Variants in COL5A2 observed in about 807,000 individuals in gnomAD.
The protein encoded by COL5A2 is collagen alpha-2(V) chain.
In COL5A2, 23 loss-of-function variants were observed where a neutral mutation model predicts 208.2. The observed-to-expected ratio is 0.11, with a 90% CI of 0.08 to 0.16. The LOEUF is 0.16. Ranked by LOEUF, COL5A2 falls within the 10% of genes least tolerant of loss-of-function variation. COL5A2 has a pLI of 1.00. For missense variants in COL5A2, 1,590 were observed against 1,956.4 expected, an observed-to-expected ratio of 0.81 and a Z score of 3.53; for synonymous variants, 625 against 628.5, an observed-to-expected ratio of 0.99 and a Z score of 0.08.
the COL5A2 span, among the ~76,000 whole-genome samples, chr2:189,425,165 G>C: frequency 4.6e-5 from 7 of 152,160 alleles, no homozygotes; most frequent in African/African-American, 1.4e-4. Flanking sequence ...TCTCACTTCT[G>C]TTAGAATGAC....
chr2:189,034,328 C>T (rs1576483004), intron 53 of COL5A2, 112 bp from the exon 54 acceptor site: 1 of 1,099,858 alleles, frequency 9.1e-7, no homozygotes, highest in East Asian at 2.5e-5. Flanking sequence ...TTTTAGAGTA[C>T]TACTTAAAAA....
chr2:189,066,240 T>G, intron 23 of COL5A2, 150 bp downstream of exon 23: 5 of 787,408 alleles, frequency 6.3e-6, no homozygotes, highest in Non-Finnish European at 1.1e-5. Flanking sequence ...ATTAGTCAGT[T>G]GGCTCTTTCT....
chr2:189,304,155 A>G, the COL5A2 span, among the ~76,000 whole-genome samples: 8 of 152,164 alleles, frequency 5.3e-5, no homozygotes, highest in African/African-American at 1.9e-4. Flanking sequence ...AAATAGTCAC[A>G]TTGTTCAACT....
At chr2:189,055,094 A>G (rs577090429) in intron 35 of COL5A2, among the ~76,000 whole-genome samples, 5 of 152,026 alleles carry the variant, frequency 3.3e-5, no homozygotes, top group Middle Eastern at 6.4e-3. Context: ...CACCATAGCC[A>G]GGGTGGTCTT....
chr2:189,109,965 C>A (rs1687228086), intron 2 of COL5A2, among the ~76,000 whole-genome samples: 2 of 152,138 alleles, frequency 1.3e-5, no homozygotes, highest in Non-Finnish European at 2.9e-5. Flanking sequence ...TTAAGTGATT[C>A]AAGAAATTCT....
chr2:189,377,934 T>C, the COL5A2 span, among the ~76,000 whole-genome samples: 5 of 152,346 alleles, frequency 3.3e-5, no homozygotes, highest in East Asian at 1.9e-4. Flanking sequence ...AGTGCACTTA[T>C]TGGGTCACAG....
intron 3 of COL5A2, among the ~76,000 whole-genome samples, chr2:189,100,807 G>T (rs1245083265): frequency 1.3e-5 from 2 of 151,920 alleles, no homozygotes; most frequent in African/African-American, 4.8e-5. Context: ...AGTAAATAGG[G>T]TCAGGTCAAT....
chr2:189,366,104 T>C, the COL5A2 span, among the ~76,000 whole-genome samples: 2 of 152,190 alleles, frequency 1.3e-5, no homozygotes, highest in East Asian at 1.9e-4. Flanking sequence ...TTCTTTTATT[T>C]TGAGATCTTG....
intron 1 of COL5A2, among the ~76,000 whole-genome samples, chr2:189,209,974 A>T (rs1254629748): frequency 3.3e-5 from 5 of 152,244 alleles, no homozygotes; most frequent in Non-Finnish European, 7.3e-5. Flanking sequence ...ATGAAGGCAG[A>T]TGGTAATGCC....
Position 189,072,029 on chromosome 2 carries a change from T to A in COL5A2, c.1158+11A>T. ...AGCGTTAAATACTGTATATTAACAT[T>A]AACATCTTACCTTCATTCCAGGATT... On this transcript the variant is annotated intron_variant, in intron 18 of 53. Transcript: ENST00000374866. 6 of 1,570,782 alleles carry A rather than the reference T, an allele frequency of 3.8e-6. No homozygotes were observed. The highest frequency in any genetic ancestry group is 5.2e-6 in the Non-Finnish European group (6 of 1,143,754).
At chr2:189,362,352 T>C in the COL5A2 span, among the ~76,000 whole-genome samples, 2 of 152,134 alleles carry the variant, frequency 1.3e-5, no homozygotes, top group East Asian at 1.9e-4. Context: ...ATGAAAAGTA[T>C]TCAACTTACA....
At chr2:189,190,839 G>T (rs1402540040) in intron 1 of COL5A2, among the ~76,000 whole-genome samples, 1 of 152,150 alleles carries the variant, frequency 6.6e-6, no homozygotes, top group African/African-American at 2.4e-5. Flanking sequence ...TCAATGTAAT[G>T]CACATTTGTT....
At chr2:189,135,514 A>T (rs1251596868) in intron 1 of COL5A2, among the ~76,000 whole-genome samples, 1 of 152,204 alleles carries the variant, frequency 6.6e-6, no homozygotes, top group Non-Finnish European at 1.5e-5. Flanking sequence ...TTGGTTACAA[A>T]CAGTGAACTG....
chr2:189,164,277 G>A (rs1688424580), intron 1 of COL5A2, among the ~76,000 whole-genome samples: 2 of 152,160 alleles, frequency 1.3e-5, no homozygotes, highest in South Asian at 2.1e-4. Flanking sequence ...TAATAATAGT[G>A]ATTCAGGCTT....
the COL5A2 span, among the ~76,000 whole-genome samples, chr2:189,332,790 C>T: frequency 1.3e-5 from 2 of 152,228 alleles, no homozygotes; most frequent in South Asian, 2.1e-4. Context: ...ACAGTAAATT[C>T]GTACCAGTAG....
chr2:189,224,147 G>T (rs2105881575), intron 1 of COL5A2, among the ~76,000 whole-genome samples: 1 of 144,784 alleles, frequency 6.9e-6, no homozygotes, highest in South Asian at 2.3e-4. Context: ...CTGTTGTGAA[G>T]AGGTAAACTG....
At chr2:189,364,926 G>A in the COL5A2 span, among the ~76,000 whole-genome samples, 61 of 152,228 alleles carry the variant, frequency 4.0e-4, no homozygotes, top group East Asian at 0.012. Flanking sequence ...CACAAAAAGT[G>A]ACAAATGTAC....
the COL5A2 span, among the ~76,000 whole-genome samples, chr2:189,372,046 T>C: frequency 6.6e-6 from 1 of 152,320 alleles, no homozygotes; most frequent in African/African-American, 2.4e-5. Context: ...CAGGGCCCCA[T>C]TGCCCTGCAC....
At chr2:189,410,796 T>C in the COL5A2 span, among the ~76,000 whole-genome samples, 2 of 152,198 alleles carry the variant, frequency 1.3e-5, no homozygotes, top group African/African-American at 4.8e-5. Flanking sequence ...TGATGTATTT[T>C]ATGAATGCAA....
Sources: gnomAD v4.1 joint callset for allele counts (sites outside exome capture counted in the v4.1 genomes callset) on GRCh38, gnomAD v4.1.1 for gene constraint, MANE v1.5 for transcripts, NCBI Gene and HGNC (gene_info 2026-07-23, HGNC 2026-07-21) for gene names.